PLCE1: variants seen among roughly 807,000 people sequenced by gnomAD.
The protein encoded by PLCE1 is 1-phosphatidylinositol 4,5-bisphosphate phosphodiesterase epsilon-1.
In PLCE1, 119 loss-of-function variants were observed where a neutral mutation model predicts 242.8. That is an observed-to-expected ratio of 0.49 (90% CI 0.42 to 0.57). The LOEUF (loss-of-function observed/expected upper bound fraction) is 0.57, where lower values mean the gene tolerates loss of function less well. Among genes scored for constraint, PLCE1 ranks in the 20% least tolerant of loss-of-function variants. PLCE1 has a pLI of 0.00. For missense variants in PLCE1, 2,441 were observed against 2,788.8 expected, an observed-to-expected ratio of 0.88 and a Z score of 2.81; for synonymous variants, 945 against 1,017.4, an observed-to-expected ratio of 0.93 and a Z score of 1.35.
intron 18 of PLCE1, among the ~76,000 whole-genome samples, chr10:94,272,152 C>A (rs1279385448): frequency 6.6e-6 from 1 of 152,168 alleles, no homozygotes; most frequent in Non-Finnish European, 1.5e-5. Context: ...GTTTCCCAAT[C>A]CTAGTAAGCC....
chr10:94,110,385 T>C (rs1441702826), intron 2 of PLCE1, among the ~76,000 whole-genome samples: 1 of 152,270 alleles, frequency 6.6e-6, no homozygotes, highest in South Asian at 2.1e-4. Flanking sequence ...TTCTAAGGGT[T>C]GTCAAGGAAA....
At chr10:94,216,213 T>C (rs1027875076) in intron 4 of PLCE1, among the ~76,000 whole-genome samples, 2 of 152,164 alleles carry the variant, frequency 1.3e-5, no homozygotes, top group Non-Finnish European at 2.9e-5. Flanking sequence ...TTCACTGATG[T>C]CGGAAAAGGG....
Position 94,214,296 on chromosome 10 carries a change from C to T in PLCE1, c.1810-13010C>T, listed in dbSNP as rs538611088. 2.7e-4 allele frequency among the ~76,000 whole-genome samples: 41 copies of T among 152,326 alleles called. No individual in the cohort carries two copies. In the South Asian group the frequency reaches 8.5e-3, roughly 32 times the overall value. On this transcript the variant is annotated intron_variant, in intron 4 of 32. Transcript: ENST00000371380. ...GCACGATCATTTACCCTAGAGCTCA[C>T]AGCCCCAGAGCTGCCTACTTGATCT...
chr10:94,023,209 G>A (rs192391327), intron 1 of PLCE1, among the ~76,000 whole-genome samples: 2 of 152,236 alleles, frequency 1.3e-5, no homozygotes, highest in Non-Finnish European at 2.9e-5. Flanking sequence ...GAAGGGAAAT[G>A]CACAGAGGCA....
At chr10:94,037,046 A>G (rs919690986) in intron 2 of PLCE1, among the ~76,000 whole-genome samples, 1 of 152,252 alleles carries the variant, frequency 6.6e-6, no homozygotes, top group Non-Finnish European at 1.5e-5. Flanking sequence ...TCAGTCTAGA[A>G]AAGCTATAAT....
At chr10:94,164,504 T>C (rs920716725) in intron 3 of PLCE1, among the ~76,000 whole-genome samples, 3 of 151,570 alleles carry the variant, frequency 2.0e-5, no homozygotes, top group Non-Finnish European at 3.0e-5. Context: ...CAGCTGGACT[T>C]CTGTGCATTG....
rs759542875 is a variant in PLCE1, at chr10:94,246,004, T to C, written c.2479T>C (p.Tyr827His). ...TGACATCTTTGAGCAATCCAAAGAATACGACTCTCATGGTTCAGAGGACTC... is the reference window on the plus strand; with the variant it reads ...TGACATCTTTGAGCAATCCAAAGAACACGACTCTCATGGTTCAGAGGACTC... ...DNDIFEQSKE[Y>H]DSHGSEDSQK... Residue 827 changes from tyrosine to histidine, a missense_variant, in exon 8 of 33, where the codon TAC becomes CAC. Transcript: ENST00000371380. The C allele has an allele frequency of 6.8e-6, 11 of 1,614,008 alleles. No individual in the cohort carries two copies. Among genetic ancestry groups the C allele is most frequent in the Non-Finnish European group, 8.5e-6 (10 of 1,179,990 alleles).
At chr10:94,200,028 C>T (rs548142782) in intron 4 of PLCE1, among the ~76,000 whole-genome samples, 14 of 152,308 alleles carry the variant, frequency 9.2e-5, no homozygotes, top group East Asian at 5.8e-4. Flanking sequence ...ACAAGCCAAA[C>T]GTTACCTCCT....
intron 2 of PLCE1, among the ~76,000 whole-genome samples, chr10:94,120,265 C>T (rs184286086): frequency 1.2e-4 from 19 of 152,306 alleles, no homozygotes; most frequent in African/African-American, 3.4e-4. Context: ...ATTTCATTTG[C>T]TCTGCCTGAG....
At position 94,262,861 on chromosome 10, in the gene PLCE1, GT is replaced by G. The variant is rs11307441; in HGVS notation, c.4053+140del. The G allele has an allele frequency of 0.32, 217,256 of 670,836 alleles. 24,445 individuals carry two copies. The highest frequency in any genetic ancestry group is 0.39 in the African/African-American group (21,106 of 54,380). The allele number at this position is 670,836 out of a possible 1,614,324, so 41.6% of individuals were successfully genotyped here. On this transcript the variant is annotated intron_variant, in intron 14 of 32. Coordinates refer to ENST00000371380, the MANE Select transcript of PLCE1 (RefSeq NM_016341.4). ...AAATCTGGGACAGATATACAGTTTT[GT>G]TTTTTTTTTTGTTTTTTTGGGTGTT...
chr10:94,254,958 G>C lies in PLCE1; in HGVS notation c.3463G>C (p.Ala1155Pro), dbSNP rs371294665. The C allele has an allele frequency of 3.7e-6, 6 of 1,613,930 alleles. No homozygotes were observed. The African/African-American group carries it at 6.7e-5, about 18-fold the overall frequency. The change falls in exon 11 of 33, where the codon GCT becomes CCT. Residue 1155 changes from alanine to proline, a missense_variant. Physicochemically the swap from Ala to Pro is conservative, Grantham distance 27. Around this residue, in one of 5 missense-constraint regions of PLCE1, gnomAD observed 1,004 missense variants for 1,322.7 expected, o/e 0.76. Coordinates refer to ENST00000371380, the MANE Select transcript of PLCE1 (RefSeq NM_016341.4). Reference sequence around the variant, plus strand: ...CAGAAGAGCCCACTCTTTGACCACAGCTGGGTCCCCCAACTTGGCTGCCGG... The same window carrying C: ...CAGAAGAGCCCACTCTTTGACCACACCTGGGTCCCCCAACTTGGCTGCCGG... ...PSRRAHSLTTAGSPNLAAGTS... is the reference protein window; with the variant it reads ...PSRRAHSLTTPGSPNLAAGTS...
intron 3 of PLCE1, among the ~76,000 whole-genome samples, chr10:94,165,048 A>G (rs1412784120): frequency 1.3e-5 from 2 of 152,082 alleles, no homozygotes; most frequent in Non-Finnish European, 2.9e-5. Context: ...TGCCCCTACT[A>G]TGGGGATGCC....
rs147645218 is a variant in PLCE1 at position 94,281,516 on chromosome 10, A to G, written c.4795+1605A>G. Among the ~76,000 whole-genome samples the G allele has an allele frequency of 5.2e-4, 79 of 152,300 alleles. No individual in the cohort carries two copies. In the East Asian group the frequency reaches 0.013, roughly 26 times the overall value. Reference sequence around the variant, plus strand: ...ACCACTGAATTTCTAAGATAGTTGCATGTATTTTTAACAATCCACATATGC... The same window carrying G: ...ACCACTGAATTTCTAAGATAGTTGCGTGTATTTTTAACAATCCACATATGC... On this transcript the variant is annotated intron_variant, in intron 20 of 32. Transcript: ENST00000371380.
At chr10:94,137,192 CA>C (rs1007174814) in intron 3 of PLCE1, among the ~76,000 whole-genome samples, 1 of 150,702 alleles carries the variant, frequency 6.6e-6, no homozygotes, top group Admixed American at 6.6e-5. Context: ...GACTCCATCT[CA>C]AAAAAAAAGA....
intron 4 of PLCE1, among the ~76,000 whole-genome samples, chr10:94,212,470 A>T (rs1389612435): frequency 1.3e-5 from 2 of 152,108 alleles, no homozygotes; most frequent in Non-Finnish European, 2.9e-5. Flanking sequence ...GTTAGCCAGG[A>T]TGGTCTTGAT....
chr10:94,186,666 A>G (rs1360725925), intron 4 of PLCE1, among the ~76,000 whole-genome samples: 2 of 152,232 alleles, frequency 1.3e-5, no homozygotes, highest in Non-Finnish European at 2.9e-5. Flanking sequence ...CATTTTTTCA[A>G]CTGGATGTGA....
chr10:94,214,751 G>C (rs1204784409), intron 4 of PLCE1, among the ~76,000 whole-genome samples: 1 of 152,146 alleles, frequency 6.6e-6, no homozygotes. Flanking sequence ...AAAGTGACTT[G>C]CGGGCTTACT....
chr10:94,056,791 T>TC (rs1051085118), intron 2 of PLCE1, among the ~76,000 whole-genome samples: 1 of 152,172 alleles, frequency 6.6e-6, no homozygotes, highest in African/African-American at 2.4e-5. Flanking sequence ...CCATTAGCAG[T>TC]CACCCCCATC....
chr10:94,007,376 G>A (rs1172593700), intron 1 of PLCE1, among the ~76,000 whole-genome samples: 1 of 152,134 alleles, frequency 6.6e-6, no homozygotes, highest in Non-Finnish European at 1.5e-5. Flanking sequence ...AGAATCATTA[G>A]CATTGTTGGC....
Sources: allele counts gnomAD v4.1 joint callset (sites outside exome capture counted in the v4.1 genomes callset), GRCh38; gene constraint gnomAD v4.1.1; regional missense constraint gnomAD v4.1.1; transcripts MANE v1.5; gene names NCBI Gene and HGNC (gene_info 2026-07-23, HGNC 2026-07-21).